LIMK2: variants seen among roughly 807,000 people sequenced by gnomAD.
The protein encoded by LIMK2 is LIM domain kinase 2.
Under a neutral mutation model 75.7 loss-of-function variants are expected in LIMK2, and 35 were observed. The ratio of observed to expected loss-of-function variants is 0.46; its 90% CI spans 0.35 to 0.61. The LOEUF is 0.61. Among genes scored for constraint, LIMK2 ranks in the 20% least tolerant of loss-of-function variants. LIMK2 has a pLI of 0.00. For missense variants in LIMK2, 623 were observed against 831.0 expected (o/e 0.75, Z 3.08); for synonymous variants, 301 against 319.2 (o/e 0.94, Z 0.61).
rs557144192 is a variant in LIMK2, at chr22:31,276,775, G to C, written c.1772+1467G>C. 701 of 1,602,630 alleles carry C rather than the reference G, an allele frequency of 4.4e-4. 5 individuals are homozygous for C. The East Asian group carries it at 0.014, about 33-fold the overall frequency. Reference sequence around the variant, plus strand: ...CCAGGCAGTGGCGGCCAAGGACCACGCATCTACTTTCAGAGCCCCCCCCGG... The same window carrying C: ...CCAGGCAGTGGCGGCCAAGGACCACCCATCTACTTTCAGAGCCCCCCCCGG... On this transcript the variant is annotated intron_variant, in intron 15 of 15. Transcript: ENST00000331728.
intron 11 of LIMK2, among the ~76,000 whole-genome samples, chr22:31,270,033 G>T (rs1196841463): frequency 6.6e-6 from 1 of 152,088 alleles, no homozygotes; most frequent in African/African-American, 2.4e-5. Context: ...GGGGATGGGG[G>T]ATAGCCATGA....
chr22:31,259,064 C>A, intron 3 of LIMK2, 57 bp from the exon 4 acceptor site: 1 of 1,006,676 alleles, frequency 9.9e-7, no homozygotes, highest in Non-Finnish European at 1.6e-6. Context: ...ACTCCAGCAA[C>A]AGTGATAACT....
chr22:31,224,813 T>C (rs537495183), intron 1 of LIMK2, among the ~76,000 whole-genome samples: 125 of 152,360 alleles, frequency 8.2e-4, no homozygotes, highest in Middle Eastern at 3.4e-3. Flanking sequence ...TTATGTAATC[T>C]AACAGCCTCC....
At chr22:31,264,974 G>A (rs534895837) in intron 7 of LIMK2, among the ~76,000 whole-genome samples, 10 of 151,392 alleles carry the variant, frequency 6.6e-5, no homozygotes, top group South Asian at 2.1e-4. Context: ...CAGATGGATC[G>A]CGAGATCAGG....
At chr22:31,216,383 A>G (rs2048388777) in intron 1 of LIMK2, among the ~76,000 whole-genome samples, 3 of 152,096 alleles carry the variant, frequency 2.0e-5, no homozygotes, top group African/African-American at 7.2e-5. Flanking sequence ...TAGGAAGTGG[A>G]AGGTACAGCT....
Position 31,278,586 on chromosome 22 carries a change from C to A in LIMK2, c.*145C>A. On this transcript the variant is annotated 3_prime_UTR_variant, in exon 16 of 16. Transcript: ENST00000331728. ...GAACAAGCCATTCCTATTACCTCCC[C>A]AGGAGGCAAGTGGGCGCAGCACCAG... 1 of 805,174 alleles carries A rather than the reference C, an allele frequency of 1.2e-6. No homozygotes were observed. Among genetic ancestry groups the A allele is most frequent in the Non-Finnish European group, 1.8e-6 (1 of 547,250 alleles). 49.9% of individuals were successfully genotyped at this position (805,174 alleles called of 1,614,324 possible). A position where few individuals can be genotyped will look rare whatever the true frequency, so the allele number is the denominator to read the frequency against.
At chr22:31,231,233 C>T (rs781354452) in intron 2 of LIMK2, among the ~76,000 whole-genome samples, 2 of 152,170 alleles carry the variant, frequency 1.3e-5, no homozygotes, top group Non-Finnish European at 2.9e-5. Flanking sequence ...TGTCAGATAA[C>T]ATTGAAGGGT....
At chr22:31,258,684 A>G (rs1471109781) in intron 3 of LIMK2, 1 of 467,216 alleles carries the variant, frequency 2.1e-6, no homozygotes, top group African/African-American at 1.9e-5. Context: ...ATAGTTGGAT[A>G]AGGACCTCCA....
At chr22:31,271,949 A>G (rs1601444221) in intron 12 of LIMK2, among the ~76,000 whole-genome samples, 1 of 152,030 alleles carries the variant, frequency 6.6e-6, no homozygotes, top group Non-Finnish European at 1.5e-5. Flanking sequence ...CCTGAGCCTC[A>G]CCTCCAGGGC....
In LIMK2 at chr22:31,213,464, T is replaced by C. The variant is rs577941423; in HGVS notation, c.16+1040T>C. ...GGCTATCTGCCCCCTGCTTCCTGGC[T>C]TTCCGTCTGTGGACAGTCACTTCCT... On this transcript the variant is annotated intron_variant, in intron 1 of 15. Coordinates refer to ENST00000331728, the MANE Select transcript of LIMK2 (RefSeq NM_005569.4). 2.0e-5 allele frequency among the ~76,000 whole-genome samples: 3 copies of C among 152,328 alleles called. No individual in the cohort carries two copies. In the South Asian group the frequency reaches 6.2e-4, roughly 32 times the overall value.
chr22:31,268,823 C>T (rs1462725645), intron 11 of LIMK2, among the ~76,000 whole-genome samples: 1 of 152,188 alleles, frequency 6.6e-6, no homozygotes, highest in Non-Finnish European at 1.5e-5. Flanking sequence ...ATAAGCTGGA[C>T]TGGAAAGGGA....
chr22:31,276,930 G>A, intron 15 of LIMK2: 1 of 1,613,714 alleles, frequency 6.2e-7, no homozygotes, highest in African/African-American at 1.3e-5. Flanking sequence ...TCCTGGAGCA[G>A]CTCACGCGCC....
chr22:31,269,603 A>G (rs1425686761), intron 11 of LIMK2, among the ~76,000 whole-genome samples: 1 of 151,846 alleles, frequency 6.6e-6, no homozygotes, highest in Non-Finnish European at 1.5e-5. Flanking sequence ...CCCTGTTTCT[A>G]CTAAAGAAAA....
At chr22:31,238,128 A>C (rs1352627874) in intron 2 of LIMK2, among the ~76,000 whole-genome samples, 2 of 151,730 alleles carry the variant, frequency 1.3e-5, no homozygotes, top group Non-Finnish European at 2.9e-5. Flanking sequence ...AAAAAAAAAA[A>C]AAAACCAAAA....
chr22:31,221,587 C>G (rs1017517670), intron 1 of LIMK2, among the ~76,000 whole-genome samples: 4 of 152,102 alleles, frequency 2.6e-5, no homozygotes, highest in Non-Finnish European at 4.4e-5. Context: ...CAGGTTCAAG[C>G]AATTCTCTTG....
At chr22:31,218,617 T>C (rs1393621431) in intron 1 of LIMK2, among the ~76,000 whole-genome samples, 1 of 152,204 alleles carries the variant, frequency 6.6e-6, no homozygotes, top group Non-Finnish European at 1.5e-5. Context: ...GGAGAGTATC[T>C]AGAGGCATGT....
At chr22:31,218,475 A>G (rs1430837241) in intron 1 of LIMK2, among the ~76,000 whole-genome samples, 1 of 152,234 alleles carries the variant, frequency 6.6e-6, no homozygotes, top group Non-Finnish European at 1.5e-5. Flanking sequence ...CCCTCCTTTT[A>G]CAAAAGAACA....
chr22:31,273,986 A>T (rs1408416575), intron 14 of LIMK2, among the ~76,000 whole-genome samples: 1 of 146,696 alleles, frequency 6.8e-6, no homozygotes. Flanking sequence ...GGCGTGAGCT[A>T]CCTCGCCCGG....
intron 1 of LIMK2, among the ~76,000 whole-genome samples, chr22:31,216,051 G>T (rs770093636): frequency 1.3e-5 from 2 of 152,200 alleles, no homozygotes; most frequent in Non-Finnish European, 2.9e-5. Flanking sequence ...GTAAATGTAT[G>T]AACATCATAT....
Sources: gnomAD v4.1 joint callset for allele counts (sites outside exome capture counted in the v4.1 genomes callset) on GRCh38, gnomAD v4.1.1 for gene constraint, MANE v1.5 for transcripts, NCBI Gene and HGNC (gene_info 2026-07-23, HGNC 2026-07-21) for gene names.